Variants in SCUBE1 observed in about 807,000 individuals in gnomAD.
SCUBE1 encodes signal peptide, CUB domain and EGF like domain containing 1.
In SCUBE1, 59 loss-of-function variants were observed where a neutral mutation model predicts 124.4. That is an observed-to-expected ratio of 0.47 (90% CI 0.38 to 0.59). The LOEUF is 0.59. Among genes scored for constraint, SCUBE1 ranks in the 20% least tolerant of loss-of-function variants. The pLI, the probability that SCUBE1 is intolerant of heterozygous loss-of-function variation, is 0.00. For missense variants in SCUBE1, 1,150 were observed against 1,371.2 expected (o/e 0.84, Z 2.55); for synonymous variants, 545 against 550.9 (o/e 0.99, Z 0.15).
In SCUBE1 at chr22:43,210,372, C is replaced by T. The variant is rs937932192; in HGVS notation, c.2384-132G>A. 8.4e-5 allele frequency: 62 copies of T among 737,854 alleles called. No homozygotes were observed. The East Asian group carries it at 1.2e-3, about 14-fold the overall frequency. 45.7% of individuals were successfully genotyped at this position (737,854 alleles called of 1,614,324 possible). On this transcript the variant is annotated intron_variant, in intron 18 of 21. Coordinates refer to ENST00000360835, the MANE Select transcript of SCUBE1 (RefSeq NM_173050.5). The surrounding 1 kb of genome is among the most constrained non-coding windows in gnomAD (Gnocchi z 4.5). ...TCTTGTCCCCCCCCACACTAGCCCTCGGACCCTGAGCCCATCCTCCTTGGG... is the reference window on the plus strand; with the variant it reads ...TCTTGTCCCCCCCCACACTAGCCCTTGGACCCTGAGCCCATCCTCCTTGGG...
At chr22:43,239,322 C>G (rs1922903489) in intron 6 of SCUBE1, among the ~76,000 whole-genome samples, 1 of 152,256 alleles carries the variant, frequency 6.6e-6, no homozygotes, top group Admixed American at 6.5e-5. Context: ...AAAACTTTGA[C>G]CTGCCTGGAC....
intron 3 of SCUBE1, among the ~76,000 whole-genome samples, chr22:43,292,233 G>A (rs1925388760): frequency 1.3e-5 from 2 of 152,112 alleles, no homozygotes; most frequent in Non-Finnish European, 2.9e-5. Context: ...CGGCTGCCAA[G>A]ATGGCTGTGG....
intron 4 of SCUBE1, among the ~76,000 whole-genome samples, chr22:43,277,907 G>A (rs910284452): frequency 6.6e-6 from 1 of 152,274 alleles, no homozygotes; most frequent in Non-Finnish European, 1.5e-5. Context: ...CAAGCTACCT[G>A]TTGGCCTAGC....
At chr22:43,302,656 G>C (rs74476661) in intron 3 of SCUBE1, among the ~76,000 whole-genome samples, 5,271 of 152,312 alleles carry the variant, frequency 0.035, 122 homozygotes, top group South Asian at 0.053. Flanking sequence ...CTGGGAACGG[G>C]GTGCTTTCAT....
At chr22:43,307,267 G>A (rs73164002) in intron 3 of SCUBE1, among the ~76,000 whole-genome samples, 2,098 of 152,304 alleles carry the variant, frequency 0.014, 27 homozygotes, top group Admixed American at 0.027. Context: ...AGGGGTTGAC[G>A]CCTCACCTGA....
chr22:43,317,558 C>A (rs1001881999), intron 3 of SCUBE1, among the ~76,000 whole-genome samples: 1 of 152,210 alleles, frequency 6.6e-6, no homozygotes, highest in African/African-American at 2.4e-5. Flanking sequence ...AATGTATCTA[C>A]GGACATGCTC....
intron 14 of SCUBE1, among the ~76,000 whole-genome samples, chr22:43,219,443 T>TGTTC (rs1303162218): frequency 1.3e-5 from 2 of 152,056 alleles, no homozygotes; most frequent in African/African-American, 4.8e-5. Flanking sequence ...CAGCCTCAGG[T>TGTTC]GTTCCTTTTA....
At chr22:43,340,350 G>T (rs933571635) in intron 1 of SCUBE1, among the ~76,000 whole-genome samples, 1 of 152,044 alleles carries the variant, frequency 6.6e-6, no homozygotes, top group African/African-American at 2.4e-5. Context: ...GAGGGCTCCC[G>T]ACACTCTCTA....
intron 3 of SCUBE1, chr22:43,317,222 A>G (rs1926380171): frequency 6.6e-6 from 1 of 152,344 alleles, no homozygotes; most frequent in Non-Finnish European, 1.5e-5. Context: ...CTAACCACAG[A>G]AAGGCAGCCG....
At position 43,211,832 on chromosome 22, in the gene SCUBE1, T is replaced by C. The variant is rs1268790951; in HGVS notation, c.2221+593A>G. Among the ~76,000 whole-genome samples the C allele has an allele frequency of 6.6e-6, 1 of 152,082 alleles. No homozygotes were observed. Among genetic ancestry groups the C allele is most frequent in the Non-Finnish European group, 1.5e-5 (1 of 68,004 alleles). On this transcript the variant is annotated intron_variant, in intron 17 of 21. Coordinates refer to ENST00000360835, the MANE Select transcript of SCUBE1 (RefSeq NM_173050.5). This position sits in a 1 kb window ranked among gnomAD's most constrained non-coding sequence, Gnocchi z 4.5. ...TGCCACCGCACCTGGCTTCTTTTTT[T>C]AAATGGGCAAATTCAGAACAGTTTG...
intron 2 of SCUBE1, among the ~76,000 whole-genome samples, chr22:43,338,672 T>C (rs1303774258): frequency 6.6e-6 from 1 of 152,078 alleles, no homozygotes; most frequent in Non-Finnish European, 1.5e-5. Flanking sequence ...ATTATAGGCA[T>C]GCACCACCAC....
chr22:43,216,718 C>T (rs1409555818), intron 15 of SCUBE1, among the ~76,000 whole-genome samples: 2 of 151,902 alleles, frequency 1.3e-5, no homozygotes, highest in African/African-American at 4.8e-5. Context: ...TTTGTCCCCC[C>T]TTGTCAGTAC....
At chr22:43,266,240 T>C (rs1053778944) in intron 4 of SCUBE1, among the ~76,000 whole-genome samples, 2 of 152,126 alleles carry the variant, frequency 1.3e-5, no homozygotes, top group Non-Finnish European at 2.9e-5. Context: ...GGTGAGGCTG[T>C]GGTCAGGCTG....
At chr22:43,342,678 G>C (rs1474531346) in intron 1 of SCUBE1, among the ~76,000 whole-genome samples, 1 of 151,636 alleles carries the variant, frequency 6.6e-6, no homozygotes, top group South Asian at 2.1e-4. Context: ...TCTTTTCTCC[G>C]GGCTTCCTTT....
chr22:43,240,373 C>T (rs951632075), intron 6 of SCUBE1, among the ~76,000 whole-genome samples: 2 of 152,184 alleles, frequency 1.3e-5, no homozygotes, highest in African/African-American at 4.8e-5. Flanking sequence ...AGGGCTTGGA[C>T]GCCTCCCTCC....
At chr22:43,231,726 G>C (rs2146679201) in intron 8 of SCUBE1, 27 bp downstream of exon 8, 1 of 1,553,960 alleles carries the variant, frequency 6.4e-7, no homozygotes, top group Non-Finnish European at 8.7e-7. Context: ...GGGCCCGAGA[G>C]CCACCCGGGG....
rs754221928 is a variant in SCUBE1, at chr22:43,218,280, G to T, written c.1866C>A (p.Gly622=). Residue 622 remains glycine, a synonymous_variant, in exon 15 of 22, where the codon GGC becomes GGA. Transcript: ENST00000360835. ...ALEGQGACGA[G]QVLQDSKCVA... ...CGCATTTGCTGTCCTGTAGCACCTG[G>T]CCTGCGCCACATGCCCCCTGCCCCT... 6.2e-7 allele frequency: 1 copy of T among 1,613,118 alleles called. No individual in the cohort carries two copies. Among genetic ancestry groups the T allele is most frequent in the South Asian group, 1.1e-5 (1 of 91,084 alleles).
chr22:43,339,252 G>T lies in SCUBE1; in HGVS notation c.89-17C>A, dbSNP rs773753845. ...CGACTGACCCTGTGGGTAGGGGTGT[G>T]GGGGGAATAAGAGGTAAGGTGTGGC... On this transcript the variant is annotated splice_polypyrimidine_tract_variant and intron_variant, in intron 1 of 21. Transcript: ENST00000360835. The T allele has an allele frequency of 2.5e-6, 4 of 1,610,776 alleles. No individual in the cohort carries two copies. The highest frequency in any genetic ancestry group is 3.4e-6 in the Non-Finnish European group (4 of 1,177,940).
At chr22:43,287,280 T>A (rs1925183829) in intron 4 of SCUBE1, among the ~76,000 whole-genome samples, 1 of 152,188 alleles carries the variant, frequency 6.6e-6, no homozygotes. Context: ...TCTAAAGACC[T>A]GAAGAAGCTG....
Sources: allele counts gnomAD v4.1 joint callset (sites outside exome capture counted in the v4.1 genomes callset), GRCh38; gene constraint gnomAD v4.1.1; non-coding constraint Gnocchi (gnomAD v3.1); transcripts MANE v1.5; gene names NCBI Gene and HGNC (gene_info 2026-07-23, HGNC 2026-07-21).